The following RIMS2 variants were observed in gnomAD, a reference collection of about 807,000 sequenced individuals.
RIMS2 encodes regulating synaptic membrane exocytosis 2, also known as regulating synaptic membrane exocytosis protein 2.
Under a neutral mutation model 174.4 loss-of-function variants are expected in RIMS2, and 59 were observed. The observed-to-expected ratio is 0.34, with a 90% CI of 0.27 to 0.42. The LOEUF (loss-of-function observed/expected upper bound fraction) is 0.42. Among genes scored for constraint, RIMS2 ranks in the 10% least tolerant of loss-of-function variants. RIMS2 has a pLI of 1.00. For missense variants in RIMS2, 1,620 were observed against 1,666.3 expected, an observed-to-expected ratio of 0.97 and a Z score of 0.48; for synonymous variants, 606 against 572.5, an observed-to-expected ratio of 1.06 and a Z score of -0.84.
At chr8:104,015,149 C>T (rs2095865193) in intron 19 of RIMS2, among the ~76,000 whole-genome samples, 2 of 152,124 alleles carry the variant, frequency 1.3e-5, no homozygotes, top group Admixed American at 1.3e-4. Flanking sequence ...GAACATACTT[C>T]CCAAACATCT....
intron 1 of RIMS2, among the ~76,000 whole-genome samples, chr8:103,646,545 G>A (rs187870071): frequency 7.2e-5 from 11 of 152,060 alleles, no homozygotes; most frequent in African/African-American, 2.4e-4. Context: ...ACCTCTCTCC[G>A]CACCCAGTTC....
chr8:103,904,581 AT>A (rs1369864810), intron 4 of RIMS2, among the ~76,000 whole-genome samples: 1 of 152,026 alleles, frequency 6.6e-6, no homozygotes, highest in African/African-American at 2.4e-5. Flanking sequence ...ACTTTTTAAT[AT>A]GTGGATCACA....
At chr8:103,968,547 A>C (rs918553380) in intron 15 of RIMS2, among the ~76,000 whole-genome samples, 21 of 150,230 alleles carry the variant, frequency 1.4e-4, no homozygotes, top group African/African-American at 5.1e-4. Flanking sequence ...TAGAGTTTGT[A>C]GTATACATTT....
chr8:104,048,774 A>G (rs2096736380), intron 19 of RIMS2, among the ~76,000 whole-genome samples: 1 of 152,166 alleles, frequency 6.6e-6, no homozygotes, highest in Non-Finnish European at 1.5e-5. Flanking sequence ...ATGTCTGTAA[A>G]AAACTTGTTA....
At chr8:103,921,768 T>C (rs762770197) in exon 10 of RIMS2, 3 of 1,393,876 alleles carry the variant, frequency 2.2e-6, no homozygotes, top group East Asian at 2.3e-5. Context: ...CCACAGTTCT[T>C]ATCAGGACAA....
In RIMS2 at chr8:104,244,913, C is replaced by T. The variant is rs377286313; in HGVS notation, c.3335-3C>T. 166 of 1,612,542 alleles carry T rather than the reference C, an allele frequency of 1.0e-4. 1 individual carries two copies. The African/African-American group carries it at 1.9e-3, about 19-fold the overall frequency. Reference sequence around the variant, plus strand: ...GTTACACTTTTTGTTTCTATCTCTGCAGAAGCAGGAGGTAAAAAACTAAGG... The same window carrying T: ...GTTACACTTTTTGTTTCTATCTCTGTAGAAGCAGGAGGTAAAAAACTAAGG... On this transcript the variant is annotated splice_polypyrimidine_tract_variant and splice_region_variant and intron_variant, in intron 19 of 23. Transcript: ENST00000504942.
chr8:103,855,579 G>T (rs1363584396), intron 3 of RIMS2, among the ~76,000 whole-genome samples: 1 of 152,028 alleles, frequency 6.6e-6, no homozygotes. Context: ...GAATTTGAAA[G>T]AATTTTTTTT....
chr8:104,190,540 T>G (rs1465249626), intron 19 of RIMS2, among the ~76,000 whole-genome samples: 1 of 152,066 alleles, frequency 6.6e-6, no homozygotes, highest in Non-Finnish European at 1.5e-5. Context: ...GGCTTTGTCC[T>G]TTTTGTCTTT....
At chr8:103,941,781 A>C (rs1200489749) in intron 13 of RIMS2, among the ~76,000 whole-genome samples, 2 of 152,162 alleles carry the variant, frequency 1.3e-5, no homozygotes, top group Non-Finnish European at 2.9e-5. Flanking sequence ...TATGATAAAT[A>C]CAGAATTTTA....
rs1371787939 is a variant in RIMS2 at position 103,825,449 on chromosome 8, T to TA, written c.698+58912_698+58913insA. ...CATGTGCCACAATGGCTAGCTAATTTTTTTTTTTTTTTTTTGTTAGAGATG... is the reference window on the plus strand; with the variant it reads ...CATGTGCCACAATGGCTAGCTAATTTATTTTTTTTTTTTTTTGTTAGAGATG... On this transcript the variant is annotated intron_variant, in intron 3 of 23. Transcript: ENST00000504942. 2.7e-4 allele frequency among the ~76,000 whole-genome samples: 40 copies of TA among 149,010 alleles called. 2 individuals are homozygous for TA. In the East Asian group the frequency reaches 6.9e-3, roughly 26 times the overall value.
In RIMS2 at chr8:103,992,418, G is replaced by A. The variant is rs866001545; in HGVS notation, c.3044+2997G>A. On this transcript the variant is annotated intron_variant, in intron 17 of 23. Coordinates refer to ENST00000504942, the Ensembl canonical transcript of RIMS2. ...TGGGATTACAGGCATGAGCCACCGCGCCTGGCCCATGTAGTTTTTTGTTTG... is the reference window on the plus strand; with the variant it reads ...TGGGATTACAGGCATGAGCCACCGCACCTGGCCCATGTAGTTTTTTGTTTG... 1.1e-4 allele frequency among the ~76,000 whole-genome samples: 17 copies of A among 151,742 alleles called. No individual in the cohort carries two copies. The Middle Eastern group carries it at 0.017, about 152-fold the overall frequency.
chr8:104,109,167 AG>A (rs1369720100), intron 19 of RIMS2, among the ~76,000 whole-genome samples: 1 of 151,510 alleles, frequency 6.6e-6, no homozygotes, highest in East Asian at 1.9e-4. Context: ...CGTGGTGGTG[AG>A]CACCTGTAGA....
In RIMS2 at chr8:103,535,238, G is replaced by A. The variant is rs192412578; in HGVS notation, c.176+34176G>A. On this transcript the variant is annotated intron_variant, in intron 1 of 23. Transcript: ENST00000504942. ...CAGAGGTTATGCTAGCAGAAGTAGA[G>A]TAAGTTTGGAGGAGGAGTATAAATG... Among the ~76,000 whole-genome samples, 643 of 152,068 alleles carry A rather than the reference G, an allele frequency of 4.2e-3. 16 individuals carry two copies. The highest frequency in any genetic ancestry group is 0.04 in the Admixed American group (607 of 15,286).
chr8:103,604,135 T>A (rs2094917766), intron 1 of RIMS2, among the ~76,000 whole-genome samples: 1 of 149,684 alleles, frequency 6.7e-6, no homozygotes, highest in South Asian at 2.1e-4. Flanking sequence ...GTTTTAGGTC[T>A]AACGTTTAAG....
At chr8:103,639,813 T>C (rs975126652) in intron 1 of RIMS2, among the ~76,000 whole-genome samples, 9 of 151,914 alleles carry the variant, frequency 5.9e-5, no homozygotes, top group Non-Finnish European at 8.8e-5. Flanking sequence ...ACCTAGAAAG[T>C]GGGATTGCTA....
chr8:104,145,764 G>A (rs970279091), intron 19 of RIMS2, among the ~76,000 whole-genome samples: 3 of 151,900 alleles, frequency 2.0e-5, no homozygotes, highest in African/African-American at 7.3e-5. Flanking sequence ...TTGTGAGGCT[G>A]CGACAGGAGA....
chr8:103,636,813 CAT>C (rs1418178973), intron 1 of RIMS2, among the ~76,000 whole-genome samples: 32 of 114,912 alleles, frequency 2.8e-4, no homozygotes, highest in African/African-American at 9.1e-4. Context: ...CACACACACA[CAT>C]ACCAATCTGC....
chr8:103,721,661 A>G (rs10112970), intron 2 of RIMS2, among the ~76,000 whole-genome samples: 53,833 of 152,012 alleles, frequency 0.35, 10,248 homozygotes, highest in East Asian at 0.77. Context: ...CTACTTTTTT[A>G]TCTTTTAGAT....
chr8:104,083,124 A>G (rs1264572152), intron 19 of RIMS2, among the ~76,000 whole-genome samples: 1 of 152,146 alleles, frequency 6.6e-6, no homozygotes, highest in African/African-American at 2.4e-5. Context: ...CAGACTTCCA[A>G]CAGAATATAA....
Sources: gnomAD v4.1 joint callset for allele counts (sites outside exome capture counted in the v4.1 genomes callset) on GRCh38, gnomAD v4.1.1 for gene constraint, MANE v1.5 for transcripts, NCBI Gene and HGNC (gene_info 2026-07-23, HGNC 2026-07-21) for gene names.